Variants in DNAH8 observed in about 807,000 individuals in gnomAD.
DNAH8 encodes the protein dynein axonemal heavy chain 8.
A neutral mutation model predicts 562.1 loss-of-function variants in DNAH8; 382 were observed. The ratio of observed to expected loss-of-function variants is 0.68; its 90% CI spans 0.63 to 0.74. The LOEUF (loss-of-function observed/expected upper bound fraction) is 0.74, where lower values mean the gene tolerates loss of function less well. Among genes scored for constraint, DNAH8 ranks in the 30% least tolerant of loss-of-function variants. DNAH8 has a pLI of 0.00. For synonymous variants in DNAH8, 1,881 were observed against 1,919.4 expected, an observed-to-expected ratio of 0.98 and a Z score of 0.52; for missense variants, 5,203 against 5,620.4, an observed-to-expected ratio of 0.93 and a Z score of 2.37.
At chr6:38,728,684 G>C (rs1288634748) in intron 3 of DNAH8, among the ~76,000 whole-genome samples, 3 of 152,136 alleles carry the variant, frequency 2.0e-5, no homozygotes, top group Non-Finnish European at 4.4e-5. Context: ...CTAGAGTTAC[G>C]CACATCTTGG....
rs910792273 is a variant in DNAH8, at chr6:38,995,087, G to C, written c.13214+4915G>C. Among the ~76,000 whole-genome samples the C allele has an allele frequency of 2.9e-5, 4 of 139,236 alleles. No homozygotes were observed. In the Admixed American group the frequency reaches 2.9e-4, roughly 10 times the overall value. 91.3% of individuals were successfully genotyped at this position (139,236 alleles called of 152,430 possible). A position where few individuals can be genotyped will look rare whatever the true frequency, so the allele number is the denominator to read the frequency against. On this transcript the variant is annotated intron_variant, in intron 88 of 92. Coordinates refer to ENST00000327475, the MANE Select transcript of DNAH8 (RefSeq NM_001206927.2). The stretch of plus-strand genomic sequence containing the variant: ...TTTTTTTTTTTCTGAGCTTGTCCTA[G>C]CTATTGTTGCATGTGTGTTTCTCTA...
intron 81 of DNAH8, among the ~76,000 whole-genome samples, chr6:38,950,443 C>G (rs1043831211): frequency 1.4e-5 from 2 of 140,482 alleles, no homozygotes; most frequent in Admixed American, 1.4e-4. Flanking sequence ...TATGAAAAGG[C>G]TTTTTTTTTT....
chr6:38,896,986 C>T (rs1279396135), intron 60 of DNAH8, among the ~76,000 whole-genome samples: 6 of 151,892 alleles, frequency 4.0e-5, no homozygotes, highest in South Asian at 2.1e-4. Flanking sequence ...GAGGTTTCAC[C>T]GTGTTGGTCC....
intron 85 of DNAH8, among the ~76,000 whole-genome samples, chr6:38,975,686 T>C (rs985871704): frequency 6.6e-6 from 1 of 152,206 alleles, no homozygotes; most frequent in Non-Finnish European, 1.5e-5. Context: ...GGCCTTTGGA[T>C]TGTCAATTAC....
At chr6:38,831,459 A>G (rs1052368208) in intron 30 of DNAH8, among the ~76,000 whole-genome samples, 2 of 151,748 alleles carry the variant, frequency 1.3e-5, no homozygotes, top group Non-Finnish European at 2.9e-5. Flanking sequence ...AAGAAAAAAG[A>G]AAGACTCACT....
chr6:38,913,758 C>G, intron 66 of DNAH8, 91 bp from the exon 67 acceptor site: 1 of 823,550 alleles, frequency 1.2e-6, no homozygotes, highest in Non-Finnish European at 1.9e-6. Flanking sequence ...ATTACATGTA[C>G]AGTGCCTAAT....
At chr6:38,914,661 T>G (rs1781169729) in intron 67 of DNAH8, among the ~76,000 whole-genome samples, 1 of 152,014 alleles carries the variant, frequency 6.6e-6, no homozygotes, top group Admixed American at 6.6e-5. Flanking sequence ...ATGTGCTGCT[T>G]TTTTATCTAT....
chr6:39,006,868 A>AG (rs1765830453), intron 88 of DNAH8, among the ~76,000 whole-genome samples: 1 of 152,068 alleles, frequency 6.6e-6, no homozygotes, highest in South Asian at 2.1e-4. Context: ...CCTTATACTG[A>AG]GGTTGTAGCT....
chr6:38,947,389 A>G (rs1198650673), intron 80 of DNAH8, among the ~76,000 whole-genome samples: 2 of 152,160 alleles, frequency 1.3e-5, no homozygotes, highest in African/African-American at 4.8e-5. Flanking sequence ...AGCTGCCCTG[A>G]CCTTGGCATC....
intron 9 of DNAH8, among the ~76,000 whole-genome samples, chr6:38,754,580 T>C (rs769065): frequency 0.34 from 51,238 of 151,910 alleles, 9,238 homozygotes; most frequent in Admixed American, 0.42. Context: ...TTTATATATT[T>C]TATCTTGTCT....
chr6:39,019,543 T>G (rs941060778), intron 91 of DNAH8, among the ~76,000 whole-genome samples: 6 of 152,166 alleles, frequency 3.9e-5, no homozygotes, highest in African/African-American at 1.2e-4. Flanking sequence ...TGATGGTGGC[T>G]GTGTGATGGT....
intron 45 of DNAH8, among the ~76,000 whole-genome samples, chr6:38,866,239 C>G (rs1448231265): frequency 1.3e-5 from 2 of 152,122 alleles, no homozygotes; most frequent in Non-Finnish European, 1.5e-5. Context: ...CAATAACATA[C>G]TTTAGACCAT....
Position 38,937,990 on chromosome 6 carries a change from C to A in DNAH8, c.11580C>A (p.Asp3860Glu). 6.2e-7 allele frequency: 1 copy of A among 1,613,464 alleles called. No individual in the cohort carries two copies. Among genetic ancestry groups the A allele is most frequent in the Non-Finnish European group, 8.5e-7 (1 of 1,179,900 alleles). The change falls in exon 78 of 93, where the codon GAC becomes GAA. Residue 3860 changes from aspartate to glutamate, a missense_variant. Asp to Glu is a conservative substitution (Grantham distance 45). Transcript: ENST00000327475. ...GAATTTCAGGCTCATTGGTAGATGA[C>A]GAATCTCTCATTGGTGTACTTCGAA... ...LSATKGSLVD[D>E]ESLIGVLRTT...
Position 38,792,983 on chromosome 6 carries a change from T to C in DNAH8, c.2901+1309T>C, listed in dbSNP as rs142169599. On this transcript the variant is annotated intron_variant, in intron 21 of 92. Coordinates refer to ENST00000327475, the MANE Select transcript of DNAH8 (RefSeq NM_001206927.2). ...TTTTTGTAGAGACAGGGTTTCACCA[T>C]GTTACCCAGGCTGGTCTTGAACTCC... Among the ~76,000 whole-genome samples, 1,183 of 152,150 alleles carry C rather than the reference T, an allele frequency of 7.8e-3. 50 individuals are homozygous for C. In the East Asian group the frequency reaches 0.11, roughly 14 times the overall value.
chr6:38,879,354 CT>C (rs1376038691), intron 53 of DNAH8, among the ~76,000 whole-genome samples: 1 of 152,048 alleles, frequency 6.6e-6, no homozygotes, highest in Non-Finnish European at 1.5e-5. Flanking sequence ...ACGAAAATTT[CT>C]TAATAAAATT....
chr6:38,987,255 C>G (rs999641555), intron 87 of DNAH8, among the ~76,000 whole-genome samples: 9 of 152,194 alleles, frequency 5.9e-5, no homozygotes, highest in Non-Finnish European at 1.0e-4. Context: ...GCTCCACCTT[C>G]AAGAGCTCAA....
At chr6:38,875,130 G>A (rs981952725) in intron 52 of DNAH8, among the ~76,000 whole-genome samples, 3 of 152,202 alleles carry the variant, frequency 2.0e-5, no homozygotes, top group African/African-American at 7.2e-5. Context: ...CTGTGTGTGT[G>A]TTCCAGTAAA....
intron 8 of DNAH8, among the ~76,000 whole-genome samples, chr6:38,743,021 T>A (rs890242176): frequency 3.4e-5 from 5 of 145,244 alleles, no homozygotes; most frequent in African/African-American, 1.3e-4. Flanking sequence ...TTTTTTTTTT[T>A]TTTTTTTTTT....
chr6:38,812,402 T>A (rs1321778571), intron 24 of DNAH8, among the ~76,000 whole-genome samples: 2 of 152,216 alleles, frequency 1.3e-5, no homozygotes, highest in Non-Finnish European at 2.9e-5. Context: ...AATTTAGCAA[T>A]TTTTGAGGAG....
Sources: gnomAD v4.1 joint callset for allele counts (sites outside exome capture counted in the v4.1 genomes callset) on GRCh38, gnomAD v4.1.1 for gene constraint, MANE v1.5 for transcripts, NCBI Gene and HGNC (gene_info 2026-07-23, HGNC 2026-07-21) for gene names.